The following GABRG3 variants were observed in gnomAD, a reference collection of about 807,000 sequenced individuals.
GABRG3 encodes the protein gamma-aminobutyric acid receptor subunit gamma-3.
GABRG3 carries 25 observed loss-of-function variants against 48.8 expected under a neutral mutation model. The observed-to-expected ratio is 0.51, with a 90% CI of 0.37 to 0.72. The LOEUF (loss-of-function observed/expected upper bound fraction) is 0.72, where lower values mean the gene tolerates loss of function less well. GABRG3 is among the 30% of genes least tolerant of loss of function. GABRG3 has a pLI of 0.00. For synonymous variants in GABRG3, 227 were observed against 217.6 expected, an observed-to-expected ratio of 1.04 and a Z score of -0.38; for missense variants, 394 against 577.9, an observed-to-expected ratio of 0.68 and a Z score of 3.26.
intron 3 of GABRG3, among the ~76,000 whole-genome samples, chr15:27,135,002 A>G (rs534891904): frequency 2.0e-5 from 3 of 152,346 alleles, no homozygotes; most frequent in South Asian, 2.1e-4. Context: ...ACAAAGTGCA[A>G]TGAGAACAGT....
chr15:27,070,973 A>C (rs926305002), intron 3 of GABRG3, among the ~76,000 whole-genome samples: 1 of 152,146 alleles, frequency 6.6e-6, no homozygotes, highest in South Asian at 2.1e-4. Context: ...GACCTCCTGA[A>C]GCGCTGGGAG....
intron 5 of GABRG3, among the ~76,000 whole-genome samples, chr15:27,475,282 T>G (rs1013585181): frequency 2.6e-5 from 4 of 152,164 alleles, no homozygotes; most frequent in Admixed American, 2.0e-4. Context: ...TGTACATTAC[T>G]TAGTGTCTCA....
chr15:27,413,077 CA>C (rs1887844192), intron 5 of GABRG3, among the ~76,000 whole-genome samples: 2 of 151,764 alleles, frequency 1.3e-5, no homozygotes, highest in East Asian at 3.9e-4. Flanking sequence ...TCAAAGCAAC[CA>C]AAAAAATGAA....
At chr15:27,531,420 G>A (rs537718635) in intron 9 of GABRG3, among the ~76,000 whole-genome samples, 1 of 152,140 alleles carries the variant, frequency 6.6e-6, no homozygotes, top group Non-Finnish European at 1.5e-5. Flanking sequence ...TCTTGGAATC[G>A]TATTTTTGGA....
intron 3 of GABRG3, among the ~76,000 whole-genome samples, chr15:27,304,571 G>A (rs1892328242): frequency 6.6e-6 from 1 of 151,794 alleles, no homozygotes; most frequent in Admixed American, 6.6e-5. Context: ...GGCATTTTCT[G>A]CCTCTTAAAG....
At chr15:27,184,625 CT>C (rs1237075042) in intron 3 of GABRG3, among the ~76,000 whole-genome samples, 4 of 152,250 alleles carry the variant, frequency 2.6e-5, no homozygotes, top group South Asian at 2.1e-4. Flanking sequence ...GTTAATAAAT[CT>C]TGAAATGTTT....
chr15:27,355,870 G>A (rs1355545957), intron 5 of GABRG3, among the ~76,000 whole-genome samples: 1 of 152,062 alleles, frequency 6.6e-6, no homozygotes, highest in Non-Finnish European at 1.5e-5. Flanking sequence ...AGACACTAAA[G>A]GACAGTATGA....
In GABRG3 at chr15:27,124,894, A is replaced by G. The variant is rs150892518; in HGVS notation, c.270+98073A>G. ...CTTTTTCAGCAGTGCTGCTGAGACT[A>G]CCTGTTTGATGTGTTATAATTACAT... On this transcript the variant is annotated intron_variant, in intron 3 of 9. Transcript: ENST00000615808. Among the ~76,000 whole-genome samples the G allele has an allele frequency of 3.0e-4, 45 of 152,256 alleles. No individual in the cohort carries two copies. In the East Asian group the frequency reaches 6.6e-3, roughly 22 times the overall value.
At chr15:27,098,829 A>G (rs1321235670) in intron 3 of GABRG3, among the ~76,000 whole-genome samples, 2 of 152,096 alleles carry the variant, frequency 1.3e-5, no homozygotes, top group Non-Finnish European at 2.9e-5. Context: ...AGAGTCTTCT[A>G]GTGCCAGTCA....
At chr15:27,232,160 T>C (rs1889819653) in intron 3 of GABRG3, among the ~76,000 whole-genome samples, 1 of 152,206 alleles carries the variant, frequency 6.6e-6, no homozygotes, top group African/African-American at 2.4e-5. Flanking sequence ...AAACATTGAC[T>C]TTTATTATAA....
intron 3 of GABRG3, among the ~76,000 whole-genome samples, chr15:27,135,608 T>G (rs2140385907): frequency 6.6e-6 from 1 of 152,058 alleles, no homozygotes; most frequent in Admixed American, 6.6e-5. Context: ...CTTGTGAGAG[T>G]TAAAGGAGAT....
intron 3 of GABRG3, among the ~76,000 whole-genome samples, chr15:27,039,571 A>G (rs576729058): frequency 6.6e-6 from 1 of 152,298 alleles, no homozygotes; most frequent in South Asian, 2.1e-4. Context: ...AGTGTTATGA[A>G]GACGCCACAA....
At chr15:27,119,645 G>A (rs1393634691) in intron 3 of GABRG3, among the ~76,000 whole-genome samples, 1 of 152,190 alleles carries the variant, frequency 6.6e-6, no homozygotes, top group East Asian at 1.9e-4. Flanking sequence ...GTCATCTAGA[G>A]TCTCAAATGG....
intron 3 of GABRG3, among the ~76,000 whole-genome samples, chr15:27,190,908 G>T (rs1888276999): frequency 6.6e-6 from 1 of 152,024 alleles, no homozygotes; most frequent in African/African-American, 2.4e-5. Flanking sequence ...ATGTGTCCCA[G>T]AGATTCTGAT....
intron 3 of GABRG3, among the ~76,000 whole-genome samples, chr15:27,267,963 C>G (rs115626280): frequency 6.6e-6 from 1 of 152,090 alleles, no homozygotes; most frequent in Non-Finnish European, 1.5e-5. Flanking sequence ...AAAAAAATTG[C>G]TTCTATCCCC....
intron 2 of GABRG3, among the ~76,000 whole-genome samples, chr15:26,980,914 G>T (rs1000884981): frequency 1.3e-5 from 2 of 151,972 alleles, no homozygotes; most frequent in African/African-American, 4.8e-5. Context: ...AGACACTGGG[G>T]TCTATCTGAG....
chr15:27,099,594 T>G (rs960883008), intron 3 of GABRG3, among the ~76,000 whole-genome samples: 1 of 152,142 alleles, frequency 6.6e-6, no homozygotes, highest in South Asian at 2.1e-4. Context: ...GCCTAGGACT[T>G]TAACATTCGA....
At chr15:27,084,094 CA>C in intron 3 of GABRG3, among the ~76,000 whole-genome samples, 1 of 152,336 alleles carries the variant, frequency 6.6e-6, no homozygotes, top group Admixed American at 6.5e-5. Flanking sequence ...GCAAACGTTT[CA>C]TCTCATCCAG....
intron 7 of GABRG3, 96 bp from the exon 8 acceptor site, chr15:27,527,337 A>G: frequency 9.2e-7 from 1 of 1,085,992 alleles, no homozygotes; most frequent in Non-Finnish European, 1.4e-6. Flanking sequence ...GATTCCTGTA[A>G]GGCAGCCGTG....
Sources: gnomAD v4.1 joint callset for allele counts (sites outside exome capture counted in the v4.1 genomes callset) on GRCh38, gnomAD v4.1.1 for gene constraint, MANE v1.5 for transcripts, NCBI Gene and HGNC (gene_info 2026-07-23, HGNC 2026-07-21) for gene names.